The following CADM2 variants were observed in gnomAD, a reference collection of about 807,000 sequenced individuals.
CADM2 encodes immunoglobulin superfamily member 4D.
CADM2 carries 12 observed loss-of-function variants against 49.8 expected under a neutral mutation model. The observed-to-expected ratio is 0.24, with a 90% CI of 0.15 to 0.39. The LOEUF (loss-of-function observed/expected upper bound fraction) is 0.39. Ranked by LOEUF, CADM2 falls within the 10% of genes least tolerant of loss-of-function variation. The probability of loss-of-function intolerance (pLI) is 1.00; values close to 1 mark genes in which losing one functional copy is unlikely to be tolerated. For missense variants in CADM2, 378 were observed against 492.3 expected, an observed-to-expected ratio of 0.77 and a Z score of 2.20; for synonymous variants, 214 against 175.4, an observed-to-expected ratio of 1.22 and a Z score of -1.74.
intron 1 of CADM2, among the ~76,000 whole-genome samples, chr3:85,631,812 A>C (rs1166867964): frequency 6.6e-6 from 1 of 152,128 alleles, no homozygotes; most frequent in Non-Finnish European, 1.5e-5. Context: ...ATATTTACCA[A>C]GTATATACTT....
At chr3:86,034,476 C>G (rs1360515805) in intron 8 of CADM2, among the ~76,000 whole-genome samples, 8 of 152,030 alleles carry the variant, frequency 5.3e-5, no homozygotes, top group Admixed American at 4.6e-4. Flanking sequence ...TCACCACACA[C>G]TAACTCTGTG....
intron 8 of CADM2, among the ~76,000 whole-genome samples, chr3:86,010,465 T>G (rs960064369): frequency 1.3e-5 from 2 of 151,396 alleles, no homozygotes; most frequent in Non-Finnish European, 1.5e-5. Context: ...GAAGAAAAAA[T>G]TTTAATGGCA....
At chr3:85,198,171 T>A (rs990608660) in intron 1 of CADM2, among the ~76,000 whole-genome samples, 1 of 151,890 alleles carries the variant, frequency 6.6e-6, no homozygotes, top group Non-Finnish European at 1.5e-5. Flanking sequence ...TTAACAGAAT[T>A]ATAATTTTAT....
intron 1 of CADM2, among the ~76,000 whole-genome samples, chr3:85,418,445 A>G (rs1358892049): frequency 6.6e-6 from 1 of 152,138 alleles, no homozygotes; most frequent in East Asian, 1.9e-4. Context: ...TGCTCAAAAA[A>G]TAAAGCCTGT....
intron 2 of CADM2, among the ~76,000 whole-genome samples, chr3:85,766,020 A>C (rs2069638490): frequency 6.6e-6 from 1 of 152,122 alleles, no homozygotes; most frequent in Non-Finnish European, 1.5e-5. Flanking sequence ...CCTGGTGTCT[A>C]AATGGCATGC....
At chr3:85,562,004 G>C (rs898420461) in intron 1 of CADM2, among the ~76,000 whole-genome samples, 1 of 152,034 alleles carries the variant, frequency 6.6e-6, no homozygotes, top group Non-Finnish European at 1.5e-5. Context: ...GTGCCTCAGA[G>C]AATAGGTAAA....
rs567968964 is a variant in CADM2 at position 85,511,377 on chromosome 3, A to G, written c.62-215145A>G. The stretch of plus-strand genomic sequence containing the variant: ...ATTTGCAAACAGTGTAATTCTTTAC[A>G]TACTTTGTTATTTCCACTGCATTGT... On this transcript the variant is annotated intron_variant, in intron 1 of 9. Transcript: ENST00000383699. Among the ~76,000 whole-genome samples the G allele has an allele frequency of 7.2e-5, 11 of 152,272 alleles. No homozygotes were observed. The East Asian group carries it at 2.1e-3, about 29-fold the overall frequency.
At chr3:85,108,276 A>G (rs1319739784) in intron 1 of CADM2, among the ~76,000 whole-genome samples, 1 of 152,222 alleles carries the variant, frequency 6.6e-6, no homozygotes. Flanking sequence ...TAGCAGCATT[A>G]TTTACAATAG....
At chr3:86,034,817 A>G (rs1033100007) in intron 8 of CADM2, among the ~76,000 whole-genome samples, 6 of 152,038 alleles carry the variant, frequency 3.9e-5, no homozygotes, top group African/African-American at 1.4e-4. Flanking sequence ...TCTCTGAATG[A>G]ATAGTGACAC....
chr3:85,474,322 G>T (rs934105308), intron 1 of CADM2, among the ~76,000 whole-genome samples: 4 of 151,882 alleles, frequency 2.6e-5, no homozygotes, highest in Non-Finnish European at 5.9e-5. Flanking sequence ...TCTCTTGGCG[G>T]AAGTCCTTCT....
At chr3:85,013,385 A>G (rs912637721) in intron 1 of CADM2, among the ~76,000 whole-genome samples, 1 of 151,982 alleles carries the variant, frequency 6.6e-6, no homozygotes, top group Non-Finnish European at 1.5e-5. Flanking sequence ...GAGAAACAGT[A>G]GAGTAAATTG....
chr3:85,362,125 C>A (rs961527810), intron 1 of CADM2, among the ~76,000 whole-genome samples: 1 of 152,060 alleles, frequency 6.6e-6, no homozygotes, highest in Non-Finnish European at 1.5e-5. Flanking sequence ...TGACAGGACC[C>A]GCCCAATGAA....
At chr3:85,455,726 A>C (rs2037960162) in intron 1 of CADM2, among the ~76,000 whole-genome samples, 1 of 152,156 alleles carries the variant, frequency 6.6e-6, no homozygotes. Context: ...CAATTTTATT[A>C]ATGACTGACT....
intron 2 of CADM2, among the ~76,000 whole-genome samples, chr3:85,757,628 A>C (rs1287687013): frequency 6.6e-6 from 1 of 152,156 alleles, no homozygotes; most frequent in Non-Finnish European, 1.5e-5. Flanking sequence ...CAGATACTGA[A>C]GGGATGGGCT....
At chr3:85,219,324 T>C (rs994018549) in intron 1 of CADM2, among the ~76,000 whole-genome samples, 1 of 152,170 alleles carries the variant, frequency 6.6e-6, no homozygotes, top group African/African-American at 2.4e-5. Flanking sequence ...CAGCCATTAG[T>C]GAATGTAATG....
At chr3:85,396,338 A>T (rs2034788344) in intron 1 of CADM2, among the ~76,000 whole-genome samples, 1 of 151,970 alleles carries the variant, frequency 6.6e-6, no homozygotes, top group South Asian at 2.1e-4. Context: ...CTGTGGAAAG[A>T]TGAGAAATAA....
chr3:86,059,526 T>C (rs963778093), intron 8 of CADM2, among the ~76,000 whole-genome samples: 1 of 152,204 alleles, frequency 6.6e-6, no homozygotes, highest in African/African-American at 2.4e-5. Context: ...TAATGTATTA[T>C]CACATCTCCT....
intron 1 of CADM2, among the ~76,000 whole-genome samples, chr3:85,343,873 G>C (rs1274422990): frequency 6.6e-6 from 1 of 152,120 alleles, no homozygotes; most frequent in East Asian, 1.9e-4. Context: ...CTCCTTTTCA[G>C]TGTTTCATTT....
intron 1 of CADM2, among the ~76,000 whole-genome samples, chr3:85,700,517 C>A (rs1276415751): frequency 6.6e-6 from 1 of 152,068 alleles, no homozygotes; most frequent in African/African-American, 2.4e-5. Context: ...TCTAGTTTTA[C>A]TTTATTTCTT....
Sources: gnomAD v4.1 joint callset for allele counts (sites outside exome capture counted in the v4.1 genomes callset) on GRCh38, gnomAD v4.1.1 for gene constraint, MANE v1.5 for transcripts, NCBI Gene and HGNC (gene_info 2026-07-23, HGNC 2026-07-21) for gene names.